TTK: variants seen among roughly 807,000 people sequenced by gnomAD.
The protein encoded by TTK is dual specificity protein kinase TTK.
A neutral mutation model predicts 117.3 loss-of-function variants in TTK; 59 were observed. The observed-to-expected ratio is 0.50, with a 90% CI of 0.41 to 0.62. TTK has a LOEUF of 0.62. TTK is among the 20% of genes least tolerant of loss of function. The probability of loss-of-function intolerance (pLI) is 0.00; values close to 1 mark genes in which losing one functional copy is unlikely to be tolerated. For missense variants in TTK, 921 were observed against 989.4 expected, an observed-to-expected ratio of 0.93 and a Z score of 0.93; for synonymous variants, 302 against 325.0, an observed-to-expected ratio of 0.93 and a Z score of 0.76.
At chr6:80,006,122 G>A (rs914720769) in intron 2 of TTK, 140 bp downstream of exon 2, 12 of 1,114,834 alleles carry the variant, frequency 1.1e-5, no homozygotes, top group Non-Finnish European at 1.4e-5. Flanking sequence ...GCTACATGAT[G>A]GCAGGGTTTT....
At chr6:80,037,138 G>A (rs905488936) in intron 17 of TTK, among the ~76,000 whole-genome samples, 3 of 152,084 alleles carry the variant, frequency 2.0e-5, no homozygotes, top group Admixed American at 6.6e-5. Context: ...TAAAGCAATG[G>A]CACCAAAGTA....
Position 80,022,455 on chromosome 6 carries a change from C to T in TTK, c.1240C>T (p.Arg414Ter), listed in dbSNP as rs141520128. ...TCACTGGCAGATTCCGGAGTTAGCC[C>T]GAAAAGTTAATACAGAGGTAACTTT... ...SNHWQIPELARKVNTEQKHTT... is the reference protein window; with the variant it reads ...SNHWQIPELA The change falls in exon 11 of 22, where the codon CGA becomes TGA. Residue 414 changes from arginine (R) to a stop codon, truncating the protein, a stop_gained. Transcript: ENST00000369798. LOFTEE classifies it high-confidence loss of function. 4.3e-6 allele frequency: 7 copies of T among 1,613,396 alleles called. No homozygotes were observed. Among genetic ancestry groups the T allele is most frequent in the Non-Finnish European group, 5.1e-6 (6 of 1,179,758 alleles).
Position 80,010,923 on chromosome 6 carries a change from G to A in TTK, c.579G>A (p.Gln193=). The part of the protein sequence containing the change: ...ALRNLNLQKK[Q]LLSEEEKKNL... ...GGAATTTAAACCTCCAAAAAAAGCA[G>A]CTGCTTTCAGAGGAGGAAAAGAAGA... The change falls in exon 5 of 22, where the codon CAG becomes CAA. Residue 193 remains glutamine (Q), a synonymous_variant. Coordinates refer to ENST00000369798, the MANE Select transcript of TTK (RefSeq NM_003318.5). 1 of 1,612,216 alleles carries A rather than the reference G, an allele frequency of 6.2e-7. No individual in the cohort carries two copies. The highest frequency in any genetic ancestry group is 8.5e-7 in the Non-Finnish European group (1 of 1,178,618).
intron 16 of TTK, 123 bp downstream of exon 16, chr6:80,035,540 A>AACTTCTAATTAT: frequency 9.9e-7 from 1 of 1,012,928 alleles, no homozygotes. Flanking sequence ...CAACTAAATA[A>AACTTCTAATTAT]TTAGAAGTTT....
intron 13 of TTK, among the ~76,000 whole-genome samples, chr6:80,030,229 CCTT>C (rs1222384655): frequency 6.6e-6 from 1 of 152,132 alleles, no homozygotes; most frequent in Non-Finnish European, 1.5e-5. Context: ...TTTTGTTTCA[CCTT>C]CTTTATCAGC....
intron 2 of TTK, 70 bp downstream of exon 2, chr6:80,006,052 A>G (rs778841328): frequency 5.5e-5 from 84 of 1,529,192 alleles, no homozygotes; most frequent in Non-Finnish European, 7.0e-5. Flanking sequence ...ATATAGTACT[A>G]ATCACTTTAT....
At chr6:80,014,634 A>G in intron 10 of TTK, 48 bp downstream of exon 10, 3 of 1,525,238 alleles carry the variant, frequency 2.0e-6, no homozygotes, top group Non-Finnish European at 2.6e-6. Flanking sequence ...TAAGAAAACC[A>G]CTTGATAGCT....
intron 10 of TTK, 129 bp downstream of exon 10, chr6:80,014,715 C>T (rs776823021): frequency 2.4e-5 from 24 of 995,468 alleles, no homozygotes; most frequent in Middle Eastern, 5.8e-4. Flanking sequence ...CTTGAATTTC[C>T]GTTCAGTTAT....
chr6:80,023,790 A>G (rs1397268623), intron 11 of TTK, among the ~76,000 whole-genome samples: 1 of 152,196 alleles, frequency 6.6e-6, no homozygotes, highest in African/African-American at 2.4e-5. Flanking sequence ...GTATTTCATT[A>G]TTACATGTCA....
chr6:80,027,206 T>G (rs1767630076), intron 12 of TTK, among the ~76,000 whole-genome samples: 1 of 152,198 alleles, frequency 6.6e-6, no homozygotes, highest in South Asian at 2.1e-4. Flanking sequence ...ATCCTTGATC[T>G]TAATTAGAAC....
intron 21 of TTK, among the ~76,000 whole-genome samples, chr6:80,041,617 G>A (rs1248790333): frequency 6.6e-6 from 1 of 151,410 alleles, no homozygotes; most frequent in East Asian, 1.9e-4. Flanking sequence ...TGTTCCTTGA[G>A]GGCAAAGATG....
At chr6:80,017,904 G>A (rs1397337771) in intron 10 of TTK, among the ~76,000 whole-genome samples, 1 of 152,074 alleles carries the variant, frequency 6.6e-6, no homozygotes, top group Non-Finnish European at 1.5e-5. Flanking sequence ...GTTTATTCTT[G>A]AATATTTTTT....
intron 21 of TTK, 122 bp from the exon 22 acceptor site, chr6:80,041,997 C>T: frequency 5.9e-6 from 3 of 504,756 alleles, no homozygotes; most frequent in Non-Finnish European, 6.7e-6. Context: ...AATAATTTCC[C>T]AACTGTAAGA....
At chr6:80,036,002 A>G (rs1767897539) in intron 16 of TTK, among the ~76,000 whole-genome samples, 2 of 152,086 alleles carry the variant, frequency 1.3e-5, no homozygotes, top group South Asian at 2.1e-4. Context: ...ATAATTCACC[A>G]GTGATCAAGA....
At chr6:80,028,894 C>T (rs1296798498) in intron 13 of TTK, among the ~76,000 whole-genome samples, 2 of 152,218 alleles carry the variant, frequency 1.3e-5, no homozygotes, top group East Asian at 3.9e-4. Context: ...TCACTACTTA[C>T]AGTCTGTGTG....
At chr6:80,036,019 C>T (rs544745244) in intron 16 of TTK, among the ~76,000 whole-genome samples, 3 of 151,984 alleles carry the variant, frequency 2.0e-5, no homozygotes, top group African/African-American at 7.3e-5. Context: ...AAGATCAGGG[C>T]TATAGGGGTG....
Position 80,005,717 on chromosome 6 carries a change from A to G in TTK, c.-2-125A>G. 5 of 1,017,852 alleles carry G rather than the reference A, an allele frequency of 4.9e-6. No individual in the cohort carries two copies. In the South Asian group the frequency reaches 7.5e-5, roughly 15 times the overall value. The allele number at this position is 1,017,852 out of a possible 1,614,324, so 63.1% of individuals were successfully genotyped here. On this transcript the variant is annotated intron_variant, in intron 1 of 21. Transcript: ENST00000369798. Reference sequence around the variant, plus strand: ...TTACCTCCATTAATACTAGCCTAATAATAGCTGCATTTAGATGTGTTCACA... The same window carrying G: ...TTACCTCCATTAATACTAGCCTAATGATAGCTGCATTTAGATGTGTTCACA...
chr6:80,011,927 C>T lies in TTK; in HGVS notation c.843C>T (p.Ser281=). The T allele has an allele frequency of 6.2e-7, 1 of 1,612,350 alleles. No homozygotes were observed. Among genetic ancestry groups the T allele is most frequent in the South Asian group, 1.1e-5 (1 of 90,896 alleles). The change falls in exon 8 of 22, where the codon AGC becomes AGT. Residue 281 remains serine (S), a synonymous_variant. Transcript: ENST00000369798. ...GAGTCCCAGTTAACCTTCTAAATAG[C>T]CCAGATTGTGATGTGAAGACAGATG... ...FGRVPVNLLN[S]PDCDVKTDDS...
rs1767170488 is a variant in TTK, at chr6:80,011,939, T to A, written c.855T>A (p.Asp285Glu). Residue 285 changes from aspartate (D) to glutamate (E), a missense_variant, in exon 8 of 22, where the codon GAT becomes GAA. Coordinates refer to ENST00000369798, the MANE Select transcript of TTK (RefSeq NM_003318.5). The stretch of plus-strand genomic sequence containing the variant: ...ACCTTCTAAATAGCCCAGATTGTGA[T>A]GTGAAGACAGATGATTCAGTTGTAC... The part of the protein sequence containing the change: ...PVNLLNSPDC[D>E]VKTDDSVVPC... 1 of 1,612,276 alleles carries A rather than the reference T, an allele frequency of 6.2e-7. No individual in the cohort carries two copies. Among genetic ancestry groups the A allele is most frequent in the East Asian group, 2.2e-5 (1 of 44,766 alleles).
Sources: gnomAD v4.1 joint callset for allele counts (sites outside exome capture counted in the v4.1 genomes callset) on GRCh38, gnomAD v4.1.1 for gene constraint, MANE v1.5 for transcripts, NCBI Gene and HGNC (gene_info 2026-07-23, HGNC 2026-07-21) for gene names.